DAP: variants seen among roughly 807,000 people sequenced by gnomAD.
DAP encodes the protein death-associated protein 1.
A neutral mutation model predicts 13.8 loss-of-function variants in DAP; 8 were observed. The observed-to-expected ratio is 0.58, with a 90% CI of 0.34 to 1.05. DAP has a LOEUF of 1.05. DAP is among the 50% of genes least tolerant of loss of function. The probability of loss-of-function intolerance (pLI) is 0.03; values close to 1 mark genes in which losing one functional copy is unlikely to be tolerated. For missense variants in DAP, 106 were observed against 133.2 expected (o/e 0.80, Z 1.01); for synonymous variants, 47 against 47.5 (o/e 0.99, Z 0.04).
chr5:10,751,881 G>A (rs538973053), intron 1 of DAP, among the ~76,000 whole-genome samples: 6 of 152,338 alleles, frequency 3.9e-5, no homozygotes, highest in Admixed American at 3.3e-4. Flanking sequence ...CAAGCTGGGA[G>A]AAATAAATGT....
chr5:10,695,878 TTTAG>T (rs1738426907), intron 2 of DAP, among the ~76,000 whole-genome samples: 1 of 152,162 alleles, frequency 6.6e-6, no homozygotes, highest in Non-Finnish European at 1.5e-5. Flanking sequence ...TTTTTTTTTT[TTTAG>T]TTAGGAAAGG....
chr5:10,742,256 C>T (rs1009673019), intron 2 of DAP, among the ~76,000 whole-genome samples: 3 of 152,104 alleles, frequency 2.0e-5, no homozygotes, highest in South Asian at 2.1e-4. Flanking sequence ...CACTATCGGC[C>T]GGGTGCGGTG....
At position 10,684,131 on chromosome 5, in the gene DAP, G is replaced by GT. The variant is rs1438577454; in HGVS notation, c.153-561dup. Among the ~76,000 whole-genome samples, 6 of 152,234 alleles carry GT rather than the reference G, an allele frequency of 3.9e-5. No individual in the cohort carries two copies. The South Asian group carries it at 1.0e-3, about 26-fold the overall frequency. On this transcript the variant is annotated intron_variant, in intron 2 of 3. Transcript: ENST00000230895. ...GAGCCACTGTGCCCAGCCTATTTTT[G>GT]TTTTTTGGTTAAATCAACACATTTT...
chr5:10,747,782 A>C (rs1462066875), intron 2 of DAP, among the ~76,000 whole-genome samples: 1 of 152,208 alleles, frequency 6.6e-6, no homozygotes, highest in Non-Finnish European at 1.5e-5. Context: ...GTCCACCATC[A>C]GAAAACCAAT....
At chr5:10,736,534 C>T (rs1368783190) in intron 2 of DAP, among the ~76,000 whole-genome samples, 3 of 152,156 alleles carry the variant, frequency 2.0e-5, no homozygotes, top group Non-Finnish European at 4.4e-5. Context: ...ACTCGGCTGC[C>T]GTCAGGGGGT....
chr5:10,755,786 A>C (rs1010173250), intron 1 of DAP, among the ~76,000 whole-genome samples: 5 of 152,236 alleles, frequency 3.3e-5, no homozygotes, highest in African/African-American at 1.2e-4. Context: ...CCAAGTAAGA[A>C]TGCACAGGGC....
chr5:10,683,429 G>A, intron 3 of DAP, 100 bp downstream of exon 3: 1 of 1,124,676 alleles, frequency 8.9e-7, no homozygotes, highest in Non-Finnish European at 1.4e-6. Flanking sequence ...CAGTGGTGCT[G>A]GGTTATTCCA....
intron 1 of DAP, among the ~76,000 whole-genome samples, chr5:10,753,423 A>C (rs1272562186): frequency 6.6e-6 from 1 of 152,226 alleles, no homozygotes; most frequent in Non-Finnish European, 1.5e-5. Context: ...TACCTAGATA[A>C]GGGAAGGTGA....
intron 2 of DAP, among the ~76,000 whole-genome samples, chr5:10,688,518 T>G (rs892043478): frequency 6.6e-6 from 1 of 152,218 alleles, no homozygotes; most frequent in African/African-American, 2.4e-5. Context: ...ATCACAATAT[T>G]TGCTTTATTA....
At chr5:10,701,663 G>A (rs1738578687) in intron 2 of DAP, among the ~76,000 whole-genome samples, 1 of 152,212 alleles carries the variant, frequency 6.6e-6, no homozygotes, top group African/African-American at 2.4e-5. Context: ...CTGACCAGTA[G>A]AGGGAGAATG....
intron 2 of DAP, among the ~76,000 whole-genome samples, chr5:10,713,241 C>T (rs1227456995): frequency 6.6e-6 from 1 of 152,172 alleles, no homozygotes; most frequent in African/African-American, 2.4e-5. Context: ...ACATTGGAAT[C>T]GAAGGTCAAC....
chr5:10,717,255 T>C (rs959113028), intron 2 of DAP, among the ~76,000 whole-genome samples: 3 of 152,208 alleles, frequency 2.0e-5, no homozygotes, highest in Admixed American at 6.5e-5. Context: ...AGTGAGAGTC[T>C]TACCTCCTGT....
intron 2 of DAP, among the ~76,000 whole-genome samples, chr5:10,728,478 C>T (rs1015813556): frequency 6.6e-6 from 1 of 152,070 alleles, no homozygotes; most frequent in Non-Finnish European, 1.5e-5. Flanking sequence ...GTTCTTTTGC[C>T]CTATTTTCAG....
chr5:10,712,731 C>A (rs931905924), intron 2 of DAP, among the ~76,000 whole-genome samples: 2 of 152,210 alleles, frequency 1.3e-5, no homozygotes, highest in Non-Finnish European at 2.9e-5. Context: ...CCCTGTGGGT[C>A]TACACATTAG....
rs181264104 is a variant in DAP, at chr5:10,701,983, G to T, written c.153-18412C>A. ...CCAGCTGATAAACAGCAACTTCAAG[G>T]CTGGCTCATGTTCTCTTTCCATCAC... On this transcript the variant is annotated intron_variant, in intron 2 of 3. Transcript: ENST00000230895. Among the ~76,000 whole-genome samples the T allele has an allele frequency of 3.7e-4, 56 of 152,282 alleles. No homozygotes were observed. The East Asian group carries it at 9.6e-3, about 26-fold the overall frequency.
At chr5:10,704,625 C>A (rs1298773849) in intron 2 of DAP, among the ~76,000 whole-genome samples, 1 of 152,052 alleles carries the variant, frequency 6.6e-6, no homozygotes. Context: ...TAAGTGAAAC[C>A]CTTGGCAAAG....
intron 2 of DAP, among the ~76,000 whole-genome samples, chr5:10,728,055 G>A (rs78995784): frequency 0.019 from 2,582 of 135,126 alleles, 54 homozygotes; most frequent in African/African-American, 0.062. Context: ...TGACTCTGCC[G>A]TGGGTTGAAC....
At chr5:10,736,703 C>G (rs1739621915) in intron 2 of DAP, among the ~76,000 whole-genome samples, 1 of 152,200 alleles carries the variant, frequency 6.6e-6, no homozygotes, top group African/African-American at 2.4e-5. Context: ...TCTGACAAAC[C>G]TGACAGGAAG....
At chr5:10,690,060 G>A (rs754670533) in intron 2 of DAP, among the ~76,000 whole-genome samples, 3 of 152,162 alleles carry the variant, frequency 2.0e-5, no homozygotes, top group African/African-American at 7.2e-5. Context: ...TGAAAGAAAA[G>A]AACCCCATGT....
Sources: gnomAD v4.1 joint callset for allele counts (sites outside exome capture counted in the v4.1 genomes callset) on GRCh38, gnomAD v4.1.1 for gene constraint, MANE v1.5 for transcripts, NCBI Gene and HGNC (gene_info 2026-07-23, HGNC 2026-07-21) for gene names.